Variants in BCL2L12 observed in about 807,000 individuals in gnomAD.
The protein encoded by BCL2L12 is BCL2 like 12, also known as bcl-2-like protein 12.
A neutral mutation model predicts 25.7 loss-of-function variants in BCL2L12; 27 were observed. The observed-to-expected ratio is 1.05, with a 90% confidence interval of 0.78 to 1.45. BCL2L12 has a LOEUF of 1.45. BCL2L12 is among the 40% of genes most tolerant of loss of function. The pLI, the probability that BCL2L12 is intolerant of heterozygous loss-of-function variation, is 0.00. For missense variants in BCL2L12, 302 were observed against 329.8 expected, an observed-to-expected ratio of 0.92 and a Z score of 0.65; for synonymous variants, 132 against 145.6, an observed-to-expected ratio of 0.91 and a Z score of 0.67.
At chr19:49,671,681 G>A (rs929857413) in intron 6 of BCL2L12, among the ~76,000 whole-genome samples, 6 of 152,088 alleles carry the variant, frequency 3.9e-5, no homozygotes, top group Admixed American at 6.6e-5. Context: ...TCAAAGGGTC[G>A]CTCTGAGGGT....
chr19:49,667,302 C>G (rs1599907459), intron 3 of BCL2L12, 141 bp downstream of exon 3: 1 of 1,219,876 alleles, frequency 8.2e-7, no homozygotes, highest in East Asian at 2.4e-5. Flanking sequence ...TCTCCCCTCC[C>G]CAGTTAGATT....
At chr19:49,670,156 C>T (rs2081924157) in intron 5 of BCL2L12, 60 bp from the exon 6 acceptor site, 2 of 1,569,242 alleles carry the variant, frequency 1.3e-6, no homozygotes, top group Non-Finnish European at 1.7e-6. Flanking sequence ...GCCTCCCGGC[C>T]CTCTATTGGC....
In BCL2L12 at chr19:49,666,086, A is replaced by G. The variant is rs2081736950; in HGVS notation, c.-9+19A>G. On this transcript the variant is annotated intron_variant, in intron 1 of 6. Coordinates refer to ENST00000246784, the MANE Select transcript of BCL2L12 (RefSeq NM_138639.2). ...GGACCAGGTCAGCGGGGTGTTGACG[A>G]GGGGTGGGGTGAGGAGGGAAGAGGA... 6.9e-7 allele frequency: 1 copy of G among 1,454,180 alleles called. No individual in the cohort carries two copies. The highest frequency in any genetic ancestry group is 9.2e-7 in the Non-Finnish European group (1 of 1,083,016). 90.1% of individuals were successfully genotyped at this position (1,454,180 alleles called of 1,614,324 possible). A position where few individuals can be genotyped will look rare whatever the true frequency, so the allele number is the denominator to read the frequency against.
chr19:49,670,152 C>G, intron 5 of BCL2L12, 64 bp from the exon 6 acceptor site: 1 of 1,561,792 alleles, frequency 6.4e-7, no homozygotes, highest in Non-Finnish European at 8.6e-7. Context: ...CCACGCCTCC[C>G]GGCCCTCTAT....
intron 6 of BCL2L12, among the ~76,000 whole-genome samples, chr19:49,670,887 C>T (rs1175332800): frequency 1.3e-5 from 2 of 152,052 alleles, no homozygotes; most frequent in African/African-American, 4.8e-5. Flanking sequence ...GGGTCGGGTG[C>T]GGTGGCTCAC....
intron 6 of BCL2L12, chr19:49,671,978 A>G (rs899123431): frequency 5.3e-5 from 8 of 152,296 alleles, no homozygotes; most frequent in Non-Finnish European, 1.2e-4. Context: ...GCCTTCCAAC[A>G]GATGGTGGAA....
In BCL2L12 at chr19:49,665,948, C is replaced by T. The variant is rs144909468; in HGVS notation, c.-128C>T. ...AGCGTTCCGCCCTTTCTACGCTGGG[C>T]CGGTTATCGACCCGGCCCAGTGCGC... On this transcript the variant is annotated 5_prime_UTR_variant, in exon 1 of 7. Coordinates refer to ENST00000246784, the MANE Select transcript of BCL2L12 (RefSeq NM_138639.2). 454 of 1,613,428 alleles carry T rather than the reference C, an allele frequency of 2.8e-4. 3 individuals carry two copies. The highest frequency in any genetic ancestry group is 1.6e-4 in the Middle Eastern group (1 of 6,072).
chr19:49,665,614 G>T (rs2304206), upstream of BCL2L12: 1 of 605,820 alleles, frequency 1.7e-6, no homozygotes, highest in South Asian at 2.1e-5. Flanking sequence ...ACGCTCTCCC[G>T]GGCTCTTCCG....
At chr19:49,666,294 G>T (rs1278369231) in intron 1 of BCL2L12, among the ~76,000 whole-genome samples, 1 of 152,220 alleles carries the variant, frequency 6.6e-6, no homozygotes, top group Admixed American at 6.5e-5. Flanking sequence ...GGTAGTTCCC[G>T]ATGCTTTAAG....
At chr19:49,665,721 C>T (rs533084354), upstream of BCL2L12, 4 of 1,456,502 alleles carry the variant, frequency 2.7e-6, no homozygotes, top group East Asian at 4.6e-5. Context: ...TGCGCACCCC[C>T]TTTCCCGTCA....
chr19:49,665,577 C>A (rs1362299419), upstream of BCL2L12: 5 of 517,156 alleles, frequency 9.7e-6, no homozygotes, highest in East Asian at 3.2e-5. Context: ...CATCCTCTTT[C>A]CCGCTCCTCG....
Position 49,665,953 on chromosome 19 carries a change from T to C in BCL2L12, c.-123T>C, listed in dbSNP as rs752989868. 6.8e-6 allele frequency: 11 copies of C among 1,613,464 alleles called. No homozygotes were observed. The highest frequency in any genetic ancestry group is 1.7e-5 in the Admixed American group (1 of 59,968). On this transcript the variant is annotated 5_prime_UTR_variant, in exon 1 of 7. Coordinates refer to ENST00000246784, the MANE Select transcript of BCL2L12 (RefSeq NM_138639.2). ...TCCGCCCTTTCTACGCTGGGCCGGTTATCGACCCGGCCCAGTGCGCAGGCG... is the reference window on the plus strand; with the variant it reads ...TCCGCCCTTTCTACGCTGGGCCGGTCATCGACCCGGCCCAGTGCGCAGGCG...
intron 6 of BCL2L12, among the ~76,000 whole-genome samples, chr19:49,670,875 C>A (rs1196706055): frequency 1.3e-5 from 2 of 152,066 alleles, no homozygotes; most frequent in South Asian, 4.1e-4. Flanking sequence ...AATAACTAGC[C>A]AGGGTCGGGT....
upstream of BCL2L12, chr19:49,665,302 CTTCCA>C: frequency 5.6e-6 from 1 of 177,016 alleles, no homozygotes; most frequent in Non-Finnish European, 1.2e-5. Context: ...CAACACAGAA[CTTCCA>C]TTCAATTCCC....
intron 6 of BCL2L12, among the ~76,000 whole-genome samples, chr19:49,670,922 G>A (rs1397758939): frequency 3.9e-5 from 6 of 152,048 alleles, no homozygotes; most frequent in Non-Finnish European, 1.5e-5. Flanking sequence ...CACTTTGGGA[G>A]GCCGAGGCAG....
chr19:49,665,969 T>G lies in BCL2L12; in HGVS notation c.-107T>G. The G allele has an allele frequency of 5.6e-6, 9 of 1,613,058 alleles. No homozygotes were observed. The highest frequency in any genetic ancestry group is 1.7e-4 in the Middle Eastern group (1 of 6,042). On this transcript the variant is annotated 5_prime_UTR_variant, in exon 1 of 7. Transcript: ENST00000246784. ...TGGGCCGGTTATCGACCCGGCCCAGTGCGCAGGCGCGGGAAAGTTGAACTA... is the reference window on the plus strand; with the variant it reads ...TGGGCCGGTTATCGACCCGGCCCAGGGCGCAGGCGCGGGAAAGTTGAACTA...
chr19:49,670,772 CT>C (rs1326582655), intron 6 of BCL2L12, among the ~76,000 whole-genome samples: 1 of 152,052 alleles, frequency 6.6e-6, no homozygotes, highest in African/African-American at 2.4e-5. Flanking sequence ...AATCCCAGCA[CT>C]TTTGGAGGCC....
upstream of BCL2L12, chr19:49,665,815 CA>C (rs1407543676): frequency 5.0e-6 from 8 of 1,584,768 alleles, no homozygotes; most frequent in Non-Finnish European, 6.9e-6. Context: ...GTAACAGACC[CA>C]AAAGCCGATG....
chr19:49,665,954 A>G lies in BCL2L12; in HGVS notation c.-122A>G. ...CCGCCCTTTCTACGCTGGGCCGGTT[A>G]TCGACCCGGCCCAGTGCGCAGGCGC... On this transcript the variant is annotated 5_prime_UTR_variant, in exon 1 of 7. Coordinates refer to ENST00000246784, the MANE Select transcript of BCL2L12 (RefSeq NM_138639.2). 3 of 1,613,564 alleles carry G rather than the reference A, an allele frequency of 1.9e-6. No homozygotes were observed. Among genetic ancestry groups the G allele is most frequent in the South Asian group, 1.1e-5 (1 of 91,052 alleles).
Sources: allele counts gnomAD v4.1 joint callset (sites outside exome capture counted in the v4.1 genomes callset), GRCh38; gene constraint gnomAD v4.1.1; transcripts MANE v1.5; gene names NCBI Gene and HGNC (gene_info 2026-07-23, HGNC 2026-07-21).